The following PLB1 variants were observed in gnomAD, a reference collection of about 807,000 sequenced individuals.
The protein encoded by PLB1 is phospholipase B1, membrane-associated.
A neutral mutation model predicts 227.4 loss-of-function variants in PLB1; 242 were observed. The observed-to-expected ratio is 1.06, with a 90% CI of 0.96 to 1.18. The LOEUF (loss-of-function observed/expected upper bound fraction) is 1.18, where lower values mean the gene tolerates loss of function less well. Among genes scored for constraint, PLB1 ranks in the 50% most tolerant of loss-of-function variants. PLB1 has a pLI of 0.00. For synonymous variants in PLB1, 757 were observed against 682.2 expected (o/e 1.11, Z -1.71); for missense variants, 1,858 against 1,816.3 (o/e 1.02, Z -0.42).
intron 42 of PLB1, 149 bp downstream of exon 42, chr2:28,606,097 T>A: frequency 3.0e-6 from 2 of 664,254 alleles, no homozygotes; most frequent in Non-Finnish European, 5.2e-6. Context: ...GCGGAGTCCT[T>A]AAGAGTCTGC....
intron 43 of PLB1, among the ~76,000 whole-genome samples, chr2:28,612,920 ATT>A (rs36059309): frequency 5.6e-5 from 8 of 141,996 alleles, no homozygotes; most frequent in Admixed American, 7.1e-5. Flanking sequence ...GCCCAGACTA[ATT>A]TTTTTTTTTT....
intron 43 of PLB1, among the ~76,000 whole-genome samples, chr2:28,610,820 G>T (rs767516153): frequency 4.1e-4 from 63 of 152,042 alleles, no homozygotes; most frequent in South Asian, 1.7e-3. Flanking sequence ...GCCTCCCCAG[G>T]CAGCCCACAC....
At chr2:28,632,574 G>A (rs1688780311) in intron 55 of PLB1, among the ~76,000 whole-genome samples, 1 of 152,006 alleles carries the variant, frequency 6.6e-6, no homozygotes, top group Non-Finnish European at 1.5e-5. Flanking sequence ...GAATCACGAG[G>A]TTAGGAGTTT....
chr2:28,598,046 C>A lies in PLB1; in HGVS notation c.2363C>A (p.Pro788His), dbSNP rs768301170. ...TCCCTGGAGAATGTGACCACCTTAC[C>A]TAGTAAGTAACCATCAGGGGCTTGA... ...DGSLENVTTL[P>H]NILREFNRNL... The change falls in exon 34 of 58, where the codon CCT (proline) becomes CAT (histidine). Residue 788 changes from proline to histidine, a missense_variant and splice_region_variant. Transcript: ENST00000327757. 3 of 1,612,240 alleles carry A rather than the reference C, an allele frequency of 1.9e-6. No individual in the cohort carries two copies. In the East Asian group the frequency reaches 6.7e-5, roughly 36 times the overall value.
chr2:28,634,772 G>A (rs947873353), intron 56 of PLB1, among the ~76,000 whole-genome samples: 1 of 152,118 alleles, frequency 6.6e-6, no homozygotes, highest in Non-Finnish European at 1.5e-5. Context: ...TTAGCCAGGT[G>A]TGGTGGTGCA....
chr2:28,630,969 C>T (rs549370329), intron 54 of PLB1, among the ~76,000 whole-genome samples: 45 of 152,072 alleles, frequency 3.0e-4, no homozygotes, highest in African/African-American at 1.1e-3. Flanking sequence ...AATTACTACT[C>T]ACTTCCTCCC....
chr2:28,642,779 T>C, intron 57 of PLB1, 79 bp from the exon 58 acceptor site: 1 of 1,246,684 alleles, frequency 8.0e-7, no homozygotes, highest in Non-Finnish European at 1.1e-6. Flanking sequence ...ATCTCAGGAA[T>C]GGGGACTAGG....
chr2:28,564,763 C>T (rs1297175711), intron 18 of PLB1, among the ~76,000 whole-genome samples: 2 of 152,212 alleles, frequency 1.3e-5, no homozygotes, highest in East Asian at 1.9e-4. Context: ...TGCTCAGAAG[C>T]AAAGTGCTTT....
chr2:28,530,431 C>G (rs1268361368), intron 8 of PLB1, among the ~76,000 whole-genome samples: 1 of 152,152 alleles, frequency 6.6e-6, no homozygotes, highest in African/African-American at 2.4e-5. Context: ...ATTGGATGTG[C>G]CTGACACAGA....
rs572694433 is a variant in PLB1, at chr2:28,609,522, C to G, written c.3129+2955C>G. On this transcript the variant is annotated intron_variant, in intron 43 of 57. Transcript: ENST00000327757. The stretch of plus-strand genomic sequence containing the variant: ...GAAAAAGCCGAAGTTTATCAAATTC[C>G]CTTAAACTTAGTTTGTTGTTTAGCA... Among the ~76,000 whole-genome samples, 3 of 152,086 alleles carry G rather than the reference C, an allele frequency of 2.0e-5. No individual in the cohort carries two copies. The South Asian group carries it at 6.2e-4, about 32-fold the overall frequency.
chr2:28,600,144 A>G (rs112826734), intron 35 of PLB1, among the ~76,000 whole-genome samples: 7,286 of 152,122 alleles, frequency 0.048, 564 homozygotes, highest in African/African-American at 0.16. Flanking sequence ...TCCTGGACTC[A>G]AGCAATCCAC....
chr2:28,593,730 C>T lies in PLB1; in HGVS notation c.2297C>T (p.Thr766Ile), dbSNP rs1046810509. 7 of 1,613,954 alleles carry T rather than the reference C, an allele frequency of 4.3e-6. No individual in the cohort carries two copies. The highest frequency in any genetic ancestry group is 1.6e-4 in the Middle Eastern group (1 of 6,082). ...SKPDDLPDVT[T>I]QYRGLSYSAG... ...CCAGACGACCTCCCCGATGTCACCA[C>T]ACAGTATCGGGGACTGTCATACAGG... Residue 766 changes from threonine to isoleucine, a missense_variant, in exon 33 of 58, where the codon ACA becomes ATA. Transcript: ENST00000327757.
intron 11 of PLB1, 128 bp downstream of exon 11, chr2:28,539,306 A>G: frequency 1.2e-6 from 1 of 829,470 alleles, no homozygotes; most frequent in East Asian, 2.7e-5. Flanking sequence ...GAGGCCGAGA[A>G]ACACATGCGA....
intron 20 of PLB1, among the ~76,000 whole-genome samples, chr2:28,569,468 C>G (rs11127170): frequency 0.58 from 87,828 of 151,666 alleles, 28,989 homozygotes; most frequent in Non-Finnish European, 0.76. Context: ...CAAAGTTCAA[C>G]AAAACTGACA....
At chr2:28,605,792 C>G in intron 41 of PLB1, 61 bp from the exon 42 acceptor site, 1 of 1,410,886 alleles carries the variant, frequency 7.1e-7, no homozygotes, top group South Asian at 1.2e-5. Context: ...GGGCCAAGTC[C>G]GCTGGTGGTG....
In PLB1 at chr2:28,529,302, C is replaced by T; in HGVS notation, c.326-15C>T. On this transcript the variant is annotated splice_polypyrimidine_tract_variant and intron_variant, in intron 6 of 57. Transcript: ENST00000327757. The stretch of plus-strand genomic sequence containing the variant: ...GCTGGTGAAGGCCAGGGCCTCAAAC[C>T]AGTTCTCTCTTTAGTCCTTTCAGAC... 2.5e-6 allele frequency: 4 copies of T among 1,584,804 alleles called. No homozygotes were observed. Among genetic ancestry groups the T allele is most frequent in the Non-Finnish European group, 3.5e-6 (4 of 1,153,592 alleles).
chr2:28,582,540 A>C, intron 25 of PLB1, 35 bp downstream of exon 25: 3 of 1,517,338 alleles, frequency 2.0e-6, no homozygotes, highest in Non-Finnish European at 2.7e-6. Context: ...TCTACTAAGA[A>C]TCCTCACTGC....
chr2:28,537,658 C>CA (rs771254945), intron 9 of PLB1, among the ~76,000 whole-genome samples: 2,823 of 54,398 alleles, frequency 0.052, 107 homozygotes, highest in African/African-American at 0.12. Flanking sequence ...GACTCCATCT[C>CA]AAAAAAAAAA....
intron 56 of PLB1, 38 bp downstream of exon 56, chr2:28,633,077 G>A (rs1395461110): frequency 6.5e-7 from 1 of 1,530,066 alleles, no homozygotes; most frequent in East Asian, 2.2e-5. Flanking sequence ...TGTCAAGGGG[G>A]GATCTAAGGA....
Sources: gnomAD v4.1 joint callset for allele counts (sites outside exome capture counted in the v4.1 genomes callset) on GRCh38, gnomAD v4.1.1 for gene constraint, MANE v1.5 for transcripts, NCBI Gene and HGNC (gene_info 2026-07-23, HGNC 2026-07-21) for gene names.